The following MSH4 variants were observed in gnomAD, a reference collection of about 807,000 sequenced individuals.
MSH4 encodes the protein mutS homolog 4.
In MSH4, 106 loss-of-function variants were observed where a neutral mutation model predicts 113.7. The ratio of observed to expected loss-of-function variants is 0.93; its 90% confidence interval spans 0.80 to 1.10. MSH4 has a LOEUF of 1.10. Among genes scored for constraint, MSH4 ranks in the 50% least tolerant of loss-of-function variants. MSH4 has a pLI of 0.00. For synonymous variants in MSH4, 368 were observed against 380.2 expected, an observed-to-expected ratio of 0.97 and a Z score of 0.37; for missense variants, 1,061 against 1,093.7, an observed-to-expected ratio of 0.97 and a Z score of 0.42.
At chr1:75,893,280 A>G (rs1475783111) in intron 17 of MSH4, among the ~76,000 whole-genome samples, 1 of 152,218 alleles carries the variant, frequency 6.6e-6, no homozygotes, top group African/African-American at 2.4e-5. Context: ...CTTATCTCCT[A>G]TAGTCACAGG....
intron 9 of MSH4, among the ~76,000 whole-genome samples, chr1:75,873,382 G>C (rs1468104859): frequency 1.3e-5 from 2 of 152,106 alleles, no homozygotes; most frequent in Non-Finnish European, 2.9e-5. Flanking sequence ...TCAATGAAGA[G>C]TAAATACAAA....
intron 7 of MSH4, among the ~76,000 whole-genome samples, chr1:75,845,916 G>T (rs1399905229): frequency 6.6e-6 from 1 of 152,116 alleles, no homozygotes; most frequent in Admixed American, 6.5e-5. Flanking sequence ...TTGAAATTTA[G>T]GCAGAAGCCA....
chr1:75,885,946 A>T (rs3930135), intron 15 of MSH4, among the ~76,000 whole-genome samples: 1 of 20,038 alleles, frequency 5.0e-5, no homozygotes, highest in Non-Finnish European at 1.1e-4. Context: ...AACATATATA[A>T]TATATATGAT....
chr1:75,886,859 C>T (rs1471392048), intron 15 of MSH4, among the ~76,000 whole-genome samples: 1 of 139,604 alleles, frequency 7.2e-6, no homozygotes, highest in African/African-American at 2.6e-5. Flanking sequence ...ATATATATTA[C>T]CTTCACATTT....
intron 11 of MSH4, among the ~76,000 whole-genome samples, chr1:75,878,529 T>C (rs1046547319): frequency 2.0e-5 from 3 of 152,140 alleles, no homozygotes; most frequent in Non-Finnish European, 4.4e-5. Flanking sequence ...CATTGCCAAG[T>C]GCAATAGCTC....
chr1:75,826,099 T>A (rs552156458), intron 7 of MSH4, among the ~76,000 whole-genome samples: 2 of 88,952 alleles, frequency 2.2e-5, no homozygotes, highest in African/African-American at 5.5e-5. Flanking sequence ...GGTCCTGAGC[T>A]TTTTTTGGTT....
At chr1:75,806,524 G>A (rs1650071756) in intron 2 of MSH4, among the ~76,000 whole-genome samples, 1 of 152,096 alleles carries the variant, frequency 6.6e-6, no homozygotes, top group African/African-American at 2.4e-5. Context: ...TGGGATTACA[G>A]GCATGAGCCA....
At chr1:75,798,154 G>A (rs79745803) in intron 1 of MSH4, among the ~76,000 whole-genome samples, 3,836 of 152,216 alleles carry the variant, frequency 0.025, 73 homozygotes, top group Non-Finnish European at 0.036. Context: ...TAGAAACAGA[G>A]TCTCGCTATG....
chr1:75,796,970 G>C lies in MSH4; in HGVS notation c.-16G>C, dbSNP rs781415222. On this transcript the variant is annotated 5_prime_UTR_variant, in exon 1 of 20. Coordinates refer to ENST00000263187, the MANE Select transcript of MSH4 (RefSeq NM_002440.4). ...CAGAAACCTCATACTTCTCGGGTCA[G>C]GGAAGGTTTGGGAGGATGCTGAGGC... 3.7e-6 allele frequency: 6 copies of C among 1,613,528 alleles called. No homozygotes were observed. In the Admixed American group the frequency reaches 8.3e-5, roughly 22 times the overall value.
chr1:75,883,714 C>A lies in MSH4; in HGVS notation c.2000C>A (p.Thr667Asn), dbSNP rs1321985831. 2.0e-5 allele frequency: 33 copies of A among 1,612,468 alleles called. No individual in the cohort carries two copies. In the Admixed American group the frequency reaches 5.2e-4, roughly 25 times the overall value. Reference sequence around the variant, plus strand: ...GCGGAAAAACCTATTGCCAACAATACCTATGTTACAGAAGGGAGTAATTTT... The same window carrying A: ...GCGGAAAAACCTATTGCCAACAATAACTATGTTACAGAAGGGAGTAATTTT... ...ISAEKPIANN[T>N]YVTEGSNFLI... Residue 667 changes from threonine to asparagine, a missense_variant, in exon 15 of 20, where the codon ACC (threonine) becomes AAC (asparagine). Coordinates refer to ENST00000263187, the MANE Select transcript of MSH4 (RefSeq NM_002440.4).
chr1:75,818,049 A>AC lies in MSH4; in HGVS notation c.989+1506dup, dbSNP rs566133468. Among the ~76,000 whole-genome samples, 101 of 152,256 alleles carry AC rather than the reference A, an allele frequency of 6.6e-4. 1 individual carries two copies. The highest frequency in any genetic ancestry group is 2.3e-3 in the African/African-American group (94 of 41,566). On this transcript the variant is annotated intron_variant, in intron 6 of 19. Coordinates refer to ENST00000263187, the MANE Select transcript of MSH4 (RefSeq NM_002440.4). ...CACCATTTCCAAGGCTACTACCCTA[A>AC]CCCAAACCTCTATCATCTTTAGCAT...
chr1:75,799,047 CTCA>C (rs1298180172), intron 1 of MSH4, among the ~76,000 whole-genome samples: 2 of 152,148 alleles, frequency 1.3e-5, no homozygotes, highest in Admixed American at 1.3e-4. Context: ...AGATTTATCC[CTCA>C]TCATTTAATA....
In MSH4 at chr1:75,816,407, A is replaced by C. The variant is rs754120637; in HGVS notation, c.850A>C (p.Lys284Gln). ...YCLAAVAALLKYVEFIQNSVY... is the reference protein window; with the variant it reads ...YCLAAVAALLQYVEFIQNSVY... ...CCTTGCAGCTGTTGCAGCTTTGTTA[A>C]AATATGTTGAATTTATTCAAAATTC... Residue 284 changes from lysine (K) to glutamine (Q), a missense_variant, in exon 6 of 20, where the codon AAA becomes CAA. Lys to Gln is a moderately conservative substitution (Grantham distance 53). Coordinates refer to ENST00000263187, the MANE Select transcript of MSH4 (RefSeq NM_002440.4). The C allele has an allele frequency of 6.2e-7, 1 of 1,607,640 alleles. No individual in the cohort carries two copies. Among genetic ancestry groups the C allele is most frequent in the South Asian group, 1.1e-5 (1 of 89,796 alleles).
At chr1:75,816,731 A>G (rs1346662769) in intron 6 of MSH4, among the ~76,000 whole-genome samples, 185 bp downstream of exon 6, 1 of 152,014 alleles carries the variant, frequency 6.6e-6, no homozygotes, top group African/African-American at 2.4e-5. Flanking sequence ...GGTTCAAGCA[A>G]TTCTTCTGTC....
chr1:75,881,452 A>G, intron 14 of MSH4, 82 bp downstream of exon 14: 1 of 1,440,524 alleles, frequency 6.9e-7, no homozygotes. Flanking sequence ...TAGTTATGAC[A>G]TTTAAAATTT....
intron 4 of MSH4, among the ~76,000 whole-genome samples, chr1:75,814,707 G>A (rs531815650): frequency 6.6e-6 from 1 of 151,948 alleles, no homozygotes; most frequent in African/African-American, 2.4e-5. Flanking sequence ...TTACTAAAAG[G>A]CAAAAGATTA....
At chr1:75,908,695 T>C (rs1652723463) in intron 19 of MSH4, among the ~76,000 whole-genome samples, 2 of 152,308 alleles carry the variant, frequency 1.3e-5, no homozygotes, top group South Asian at 4.1e-4. Flanking sequence ...GATCAGTTTA[T>C]CTTCAGTGTC....
rs755324760 is a variant in MSH4, at chr1:75,807,011, C to T, written c.458C>T (p.Ser153Phe). 3.2e-6 allele frequency: 5 copies of T among 1,586,054 alleles called. No homozygotes were observed. In the East Asian group the frequency reaches 9.3e-5, roughly 29 times the overall value. ...ASSSSAISAH[S>F]PSVIVAVVEG... The stretch of plus-strand genomic sequence containing the variant: ...TCCTCATCTGCGATTTCTGCACACT[C>T]CCCATCAGTTATTGTAGCTGTTGTA... Residue 153 changes from serine (S) to phenylalanine (F), a missense_variant, in exon 3 of 20, where the codon TCC becomes TTC. Ser to Phe is a radical substitution (Grantham distance 155). Transcript: ENST00000263187.
At chr1:75,802,901 G>T (rs1370368833) in intron 1 of MSH4, among the ~76,000 whole-genome samples, 1 of 152,152 alleles carries the variant, frequency 6.6e-6, no homozygotes, top group Admixed American at 6.5e-5. Context: ...GTGGTACAGG[G>T]CATCACATGG....
Sources: allele counts gnomAD v4.1 joint callset (sites outside exome capture counted in the v4.1 genomes callset), GRCh38; gene constraint gnomAD v4.1.1; transcripts MANE v1.5; gene names NCBI Gene and HGNC (gene_info 2026-07-23, HGNC 2026-07-21).